IPMK: variants seen among roughly 807,000 people sequenced by gnomAD.
The protein encoded by IPMK is inositol polyphosphate multikinase, also known as inositol 1,3,4,6-tetrakisphosphate 5-kinase.
IPMK carries 17 observed loss-of-function variants against 45.8 expected under a neutral mutation model. The ratio of observed to expected loss-of-function variants is 0.37; its 90% CI spans 0.25 to 0.56. The LOEUF is 0.56. Among genes scored for constraint, IPMK ranks in the 20% least tolerant of loss-of-function variants. The pLI, the probability that IPMK is intolerant of heterozygous loss-of-function variation, is 0.79. For synonymous variants in IPMK, 180 were observed against 184.3 expected, an observed-to-expected ratio of 0.98 and a Z score of 0.19; for missense variants, 399 against 498.0, an observed-to-expected ratio of 0.80 and a Z score of 1.89.
At chr10:58,230,202 A>G (rs1230396368) in intron 2 of IPMK, among the ~76,000 whole-genome samples, 4 of 152,216 alleles carry the variant, frequency 2.6e-5, no homozygotes, top group Admixed American at 2.6e-4. Context: ...TACTGCCTCT[A>G]GACTCCACCT....
At chr10:58,264,895 G>A (rs1294318389) in intron 1 of IPMK, among the ~76,000 whole-genome samples, 4 of 152,168 alleles carry the variant, frequency 2.6e-5, no homozygotes, top group African/African-American at 4.8e-5. Context: ...GTTTATGTAT[G>A]TGCCCAGAAA....
At chr10:58,266,453 G>A (rs1839148827) in intron 1 of IPMK, among the ~76,000 whole-genome samples, 1 of 152,170 alleles carries the variant, frequency 6.6e-6, no homozygotes, top group Non-Finnish European at 1.5e-5. Context: ...ATTGTAACGT[G>A]ACTTCAGGCA....
At chr10:58,255,467 A>C (rs370118087) in intron 1 of IPMK, among the ~76,000 whole-genome samples, 4 of 152,122 alleles carry the variant, frequency 2.6e-5, no homozygotes, top group African/African-American at 7.2e-5. Context: ...TTATCAGTCA[A>C]GGTTTCTCTC....
At chr10:58,237,110 G>C (rs550650820) in intron 2 of IPMK, among the ~76,000 whole-genome samples, 1 of 152,194 alleles carries the variant, frequency 6.6e-6, no homozygotes, top group South Asian at 2.1e-4. Flanking sequence ...AAGATGCTAT[G>C]TATCGTCCCT....
intron 1 of IPMK, among the ~76,000 whole-genome samples, chr10:58,262,660 TC>T (rs1471299208): frequency 6.6e-6 from 1 of 152,156 alleles, no homozygotes; most frequent in African/African-American, 2.4e-5. Flanking sequence ...ATGAGATAAT[TC>T]TAAAAAATCT....
At chr10:58,236,705 G>C (rs534305108) in intron 2 of IPMK, among the ~76,000 whole-genome samples, 3 of 151,916 alleles carry the variant, frequency 2.0e-5, no homozygotes, top group Admixed American at 1.3e-4. Flanking sequence ...AGGAGTTCAA[G>C]ACCAGCCTGG....
At chr10:58,226,948 A>G in intron 3 of IPMK, 95 bp downstream of exon 3, 1 of 715,416 alleles carries the variant, frequency 1.4e-6, no homozygotes, top group Non-Finnish European at 2.3e-6. Context: ...TGTTTTTATA[A>G]TACATACTCA....
intron 1 of IPMK, among the ~76,000 whole-genome samples, chr10:58,261,745 C>G (rs927615587): frequency 6.6e-6 from 1 of 152,194 alleles, no homozygotes; most frequent in Middle Eastern, 3.4e-3. Flanking sequence ...ACACATCCGG[C>G]TAATTTTTGC....
intron 4 of IPMK, among the ~76,000 whole-genome samples, chr10:58,200,983 G>A (rs972177951): frequency 6.6e-6 from 1 of 151,796 alleles, no homozygotes; most frequent in African/African-American, 2.4e-5. Context: ...TTTTTCCCAC[G>A]CAGAAATCAA....
intron 1 of IPMK, among the ~76,000 whole-genome samples, chr10:58,239,783 C>T (rs1009445280): frequency 1.3e-5 from 2 of 152,102 alleles, no homozygotes; most frequent in African/African-American, 4.8e-5. Context: ...TCCCCACCCC[C>T]AGCTCAAAAA....
intron 3 of IPMK, among the ~76,000 whole-genome samples, chr10:58,220,405 T>C (rs1838314198): frequency 1.3e-5 from 2 of 152,292 alleles, no homozygotes; most frequent in African/African-American, 4.8e-5. Flanking sequence ...TTCATTTCCA[T>C]AACTTGTGCC....
intron 1 of IPMK, among the ~76,000 whole-genome samples, chr10:58,250,283 T>C (rs1838862878): frequency 6.6e-6 from 1 of 152,210 alleles, no homozygotes; most frequent in South Asian, 2.1e-4. Flanking sequence ...AGTACGAACA[T>C]TTTAATATTA....
In IPMK at chr10:58,267,570, C is replaced by A; in HGVS notation, c.42G>T (p.Pro14=). The change falls in exon 1 of 6, where the codon CCG becomes CCT. Residue 14 remains proline (P), a synonymous_variant. Coordinates refer to ENST00000373935, the MANE Select transcript of IPMK (RefSeq NM_152230.5). The part of the protein sequence containing the change: ...EPPSPLRVEA[P]GPPEMRTSPA... ...GTGAGGTCCGCATTTCTGGGGGGCC[C>A]GGCGCCTCGACCCGGAGGGGGGATG... 6.2e-7 allele frequency: 1 copy of A among 1,608,386 alleles called. No homozygotes were observed. The highest frequency in any genetic ancestry group is 1.1e-5 in the South Asian group (1 of 90,516).
chr10:58,245,995 C>A (rs1838793853), intron 1 of IPMK, among the ~76,000 whole-genome samples: 1 of 134,088 alleles, frequency 7.5e-6, no homozygotes, highest in Admixed American at 6.9e-5. Flanking sequence ...CACAAGCATT[C>A]TTATACACCA....
At chr10:58,261,185 C>A (rs550039794) in intron 1 of IPMK, among the ~76,000 whole-genome samples, 2 of 146,582 alleles carry the variant, frequency 1.4e-5, no homozygotes, top group East Asian at 3.9e-4. Flanking sequence ...TCTTAAAAAC[C>A]ATGTGAAAAA....
At chr10:58,239,285 TGAA>T (rs1459486097) in intron 1 of IPMK, among the ~76,000 whole-genome samples, 4 of 152,214 alleles carry the variant, frequency 2.6e-5, no homozygotes, top group African/African-American at 4.8e-5. Flanking sequence ...TAAAAATTTC[TGAA>T]GAAGAATTCT....
intron 4 of IPMK, among the ~76,000 whole-genome samples, chr10:58,207,978 G>A (rs1838096204): frequency 6.6e-6 from 1 of 151,600 alleles, no homozygotes; most frequent in African/African-American, 2.4e-5. Context: ...TCTTGCTTTG[G>A]TGCCCAGGCT....
In IPMK at chr10:58,196,473, T is replaced by A. The variant is rs1298731248; in HGVS notation, c.854A>T (p.Asp285Val). 1 of 1,614,164 alleles carries A rather than the reference T, an allele frequency of 6.2e-7. No individual in the cohort carries two copies. Among genetic ancestry groups the A allele is most frequent in the African/African-American group, 1.3e-5 (1 of 75,074 alleles). Residue 285 changes from aspartate to valine, a missense_variant, in exon 6 of 6, where the codon GAC becomes GTC. Around this residue, in one of 2 missense-constraint regions of IPMK, gnomAD observed 288 missense variants for 398.0 expected, o/e 0.72. Transcript: ENST00000373935. The stretch of plus-strand genomic sequence containing the variant: ...ATTATTGTACTCTAGTACTTCTGTG[T>A]CTGACAGTTGTCCTTTGGACAAAAA... Reference protein sequence around the residue: ...EKFLSKGQLSDTEVLEYNNNF... With the variant: ...EKFLSKGQLSVTEVLEYNNNF...
rs749347725 is a variant in IPMK at position 58,227,185 on chromosome 10, T to C, written c.277-46A>G. On this transcript the variant is annotated intron_variant, in intron 2 of 5. Coordinates refer to ENST00000373935, the MANE Select transcript of IPMK (RefSeq NM_152230.5). ...ATTGCTAGATTCTTACAATGCTTTG[T>C]AACTGCCCTGCACATTTCTCAAATA... 6 of 1,315,318 alleles carry C rather than the reference T, an allele frequency of 4.6e-6. No individual in the cohort carries two copies. In the African/African-American group the frequency reaches 5.8e-5, roughly 13 times the overall value. The allele number at this position is 1,315,318 out of a possible 1,614,324, so 81.5% of individuals were successfully genotyped here. A position where few individuals can be genotyped will look rare whatever the true frequency, so the allele number is the denominator to read the frequency against.
Sources: gnomAD v4.1 joint callset for allele counts (sites outside exome capture counted in the v4.1 genomes callset) on GRCh38, gnomAD v4.1.1 for gene constraint, gnomAD v4.1.1 regional missense constraint, MANE v1.5 for transcripts, NCBI Gene and HGNC (gene_info 2026-07-23, HGNC 2026-07-21) for gene names.